The following CACNA1A variants were observed in gnomAD, a reference collection of about 807,000 sequenced individuals.
CACNA1A encodes the protein calcium voltage-gated channel subunit alpha1 A.
CACNA1A carries 57 observed loss-of-function variants against 262.4 expected under a neutral mutation model. That is an observed-to-expected ratio of 0.22 (90% confidence interval 0.18 to 0.27). CACNA1A has a LOEUF of 0.27. Ranked by LOEUF, CACNA1A falls within the 10% of genes least tolerant of loss-of-function variation. The probability of loss-of-function intolerance (pLI) is 1.00; values close to 1 mark genes in which losing one functional copy is unlikely to be tolerated. For synonymous variants in CACNA1A, 1,431 were observed against 1,419.3 expected (o/e 1.01, Z -0.18); for missense variants, 2,526 against 3,562.8 (o/e 0.71, Z 7.41).
intron 31 of CACNA1A, among the ~76,000 whole-genome samples, chr19:13,239,215 T>C (rs1192514148): frequency 6.6e-6 from 1 of 151,936 alleles, no homozygotes; most frequent in Non-Finnish European, 1.5e-5. Context: ...TGTCCCCTTC[T>C]GCCTTCTTCG....
At chr19:13,504,002 A>G (rs1312464536) in intron 1 of CACNA1A, among the ~76,000 whole-genome samples, 1 of 152,094 alleles carries the variant, frequency 6.6e-6, no homozygotes, top group Non-Finnish European at 1.5e-5. Flanking sequence ...AGCTAAGGAC[A>G]CAGCAGAAGG....
At chr19:13,429,379 G>C (rs931205632) in intron 3 of CACNA1A, among the ~76,000 whole-genome samples, 4 of 151,406 alleles carry the variant, frequency 2.6e-5, no homozygotes, top group South Asian at 2.1e-4. Context: ...CCTAAAACAA[G>C]AGGTATTTTG....
rs1475227044 is a variant in CACNA1A, at chr19:13,380,745, G to GTTTA, written c.540-8967_540-8966insTAAA. Among the ~76,000 whole-genome samples the GTTTA allele has an allele frequency of 1.1e-3, 164 of 142,978 alleles. 1 individual carries two copies. The highest frequency in any genetic ancestry group is 1.6e-3 in the Admixed American group (23 of 14,138). The allele number at this position is 142,978 out of a possible 152,430, so 93.8% of individuals were successfully genotyped here. A position where few individuals can be genotyped will look rare whatever the true frequency, so the allele number is the denominator to read the frequency against. ...AATTCATTTATTGGTTTGTTTGTTT[G>GTTTA]TTTGTTTATTTATTTATTTATTTAT... On this transcript the variant is annotated intron_variant, in intron 3 of 46. Transcript: ENST00000360228.
chr19:13,258,879 T>C (rs951986732), intron 27 of CACNA1A: 1 of 152,208 alleles, frequency 6.6e-6, no homozygotes, highest in African/African-American at 2.4e-5. Flanking sequence ...GCTCCAATAT[T>C]TTAAAAAATC....
At chr19:13,301,858 G>A (rs1040578707) in intron 17 of CACNA1A, among the ~76,000 whole-genome samples, 4 of 152,156 alleles carry the variant, frequency 2.6e-5, no homozygotes, top group African/African-American at 9.7e-5. Flanking sequence ...ATGGGATCTG[G>A]CTGGCCACCC....
In CACNA1A at chr19:13,310,454, C is replaced by CA. The variant is rs869052278; in HGVS notation, c.1669-1927dup. Among the ~76,000 whole-genome samples the CA allele has an allele frequency of 1.5e-4, 4 of 25,904 alleles. 1 individual carries two copies. Among genetic ancestry groups the CA allele is most frequent in the African/African-American group, 2.3e-4 (1 of 4,424 alleles). The allele number at this position is 25,904 out of a possible 152,430, so 17.0% of individuals were successfully genotyped here. A position where few individuals can be genotyped will look rare whatever the true frequency, so the allele number is the denominator to read the frequency against. On this transcript the variant is annotated intron_variant, in intron 12 of 46. Coordinates refer to ENST00000360228, the MANE Select transcript of CACNA1A (RefSeq NM_001127222.2). ...TGGGCAATAGAGTGAGACTCTGTCT[C>CA]AAAAAAAAAAAAAAAAAAAAAAAAA...
At chr19:13,279,651 A>C (rs1208655521) in intron 22 of CACNA1A, among the ~76,000 whole-genome samples, 1 of 151,864 alleles carries the variant, frequency 6.6e-6, no homozygotes, top group Non-Finnish European at 1.5e-5. Context: ...CGCCCGGCTA[A>C]TTTTTGTATT....
At chr19:13,227,204 G>C (rs763905904) in intron 37 of CACNA1A, 4 of 293,938 alleles carry the variant, frequency 1.4e-5, no homozygotes, top group Non-Finnish European at 2.5e-5. Flanking sequence ...CTCAAAACAC[G>C]AAGACACTCA....
intron 2 of CACNA1A, 39 bp from the exon 3 acceptor site, chr19:13,453,054 G>C: frequency 1.2e-6 from 2 of 1,611,846 alleles, no homozygotes; most frequent in East Asian, 2.2e-5. Context: ...TCTTGGGCTG[G>C]GCAGATGTTG....
chr19:13,351,637 G>A (rs1452808610), intron 6 of CACNA1A, among the ~76,000 whole-genome samples: 6 of 152,150 alleles, frequency 3.9e-5, no homozygotes, highest in African/African-American at 1.4e-4. Context: ...AGCCTCCTGC[G>A]TAGCTGGGAC....
intron 3 of CACNA1A, 90 bp from the exon 4 acceptor site, chr19:13,371,869 G>T: frequency 1.1e-6 from 1 of 936,224 alleles, no homozygotes; most frequent in Non-Finnish European, 1.7e-6. Context: ...AAGCTGTCCT[G>T]TATTGGTTGG....
chr19:13,416,811 T>C (rs1489144821), intron 3 of CACNA1A, among the ~76,000 whole-genome samples: 1 of 151,766 alleles, frequency 6.6e-6, no homozygotes, highest in East Asian at 1.9e-4. Flanking sequence ...CTACACTCCA[T>C]CTCAAAAAAC....
intron 3 of CACNA1A, among the ~76,000 whole-genome samples, chr19:13,427,420 CCAGGCTGGGCAAGAAGAGCGAA>C (rs1160759610): frequency 2.0e-5 from 3 of 151,384 alleles, no homozygotes; most frequent in Non-Finnish European, 4.4e-5. Flanking sequence ...CCATTGCATT[CCAGGCTGGGCAAGAAGAGCGAA>C]ACTCCATCTC....
chr19:13,490,951 A>C (rs1244916872), intron 1 of CACNA1A, among the ~76,000 whole-genome samples: 1 of 149,678 alleles, frequency 6.7e-6, no homozygotes, highest in East Asian at 2.0e-4. Context: ...AAAGGAAGGA[A>C]AGGAAGAAGG....
At chr19:13,494,419 G>A (rs1981256608) in intron 1 of CACNA1A, among the ~76,000 whole-genome samples, 1 of 152,162 alleles carries the variant, frequency 6.6e-6, no homozygotes, top group Admixed American at 6.5e-5. Flanking sequence ...TGCAGGCAGA[G>A]GAAATAGCTT....
At chr19:13,224,999 T>C (rs2055383031) in intron 37 of CACNA1A, 1 of 443,960 alleles carries the variant, frequency 2.3e-6, no homozygotes, top group South Asian at 3.6e-5. Flanking sequence ...CCTCTCCTTT[T>C]TTCCCCCACC....
chr19:13,346,182 G>A (rs931845886), intron 6 of CACNA1A, among the ~76,000 whole-genome samples: 2 of 152,026 alleles, frequency 1.3e-5, no homozygotes, highest in African/African-American at 2.4e-5. Flanking sequence ...GATTACAGGC[G>A]GGAGCCACCA....
intron 19 of CACNA1A, among the ~76,000 whole-genome samples, chr19:13,298,124 A>C (rs1006302343): frequency 1.4e-5 from 2 of 145,588 alleles, no homozygotes; most frequent in Non-Finnish European, 3.0e-5. Flanking sequence ...CTCCTGGCCA[A>C]ATACAGCACT....
intron 3 of CACNA1A, among the ~76,000 whole-genome samples, chr19:13,384,608 G>A (rs1325418117): frequency 6.6e-6 from 1 of 152,194 alleles, no homozygotes; most frequent in Non-Finnish European, 1.5e-5. Context: ...GCTGAGGCAG[G>A]AGAATCGCTT....
Sources: allele counts gnomAD v4.1 joint callset (sites outside exome capture counted in the v4.1 genomes callset), GRCh38; gene constraint gnomAD v4.1.1; transcripts MANE v1.5; gene names NCBI Gene and HGNC (gene_info 2026-07-23, HGNC 2026-07-21).